Variants in ASIC2 observed in about 807,000 individuals in gnomAD.
ASIC2 encodes acid sensing ion channel subunit 2, also known as acid-sensing ion channel 2.
ASIC2 carries 25 observed loss-of-function variants against 57.3 expected under a neutral mutation model. That is an observed-to-expected ratio of 0.44 (90% CI 0.32 to 0.61). ASIC2 has a LOEUF of 0.61. ASIC2 is among the 20% of genes least tolerant of loss of function. The probability of loss-of-function intolerance (pLI) is 0.06; values close to 1 mark genes in which losing one functional copy is unlikely to be tolerated. For synonymous variants in ASIC2, 319 were observed against 307.5 expected (o/e 1.04, Z -0.39); for missense variants, 641 against 738.1 (o/e 0.87, Z 1.52).
intron 1 of ASIC2, among the ~76,000 whole-genome samples, chr17:33,127,266 C>A (rs932076951): frequency 1.3e-5 from 2 of 152,152 alleles, no homozygotes; most frequent in African/African-American, 2.4e-5. Flanking sequence ...CAGGGGCAGA[C>A]GTGGGATCTC....
At chr17:33,172,604 A>AG (rs1166514158) in intron 1 of ASIC2, among the ~76,000 whole-genome samples, 8 of 152,190 alleles carry the variant, frequency 5.3e-5, no homozygotes, top group Non-Finnish European at 1.2e-4. Flanking sequence ...ACCCATCAAG[A>AG]GGGAAGTCTG....
chr17:33,951,584 CTTTTTTTCTTTTT>C (rs1260697088), intron 1 of ASIC2, among the ~76,000 whole-genome samples: 1 of 151,086 alleles, frequency 6.6e-6, no homozygotes, highest in Non-Finnish European at 1.5e-5. Flanking sequence ...TTTTTCTTTT[CTTTTTTTCTTTTT>C]TTTTCGATGG....
At chr17:33,431,971 A>G (rs1911436454) in intron 1 of ASIC2, among the ~76,000 whole-genome samples, 1 of 152,260 alleles carries the variant, frequency 6.6e-6, no homozygotes, top group African/African-American at 2.4e-5. Context: ...AATGTAAAAA[A>G]TACTCAAAGA....
rs530181555 is a variant in ASIC2 at position 33,813,007 on chromosome 17, A to C, written c.555+342971T>G. On this transcript the variant is annotated intron_variant, in intron 1 of 9. Transcript: ENST00000359872. Reference sequence around the variant, plus strand: ...TTTTGGCTCAGGGTGAGCTGCTGATATCCTCATCTGGTGCCAGGGCCAGTT... The same window carrying C: ...TTTTGGCTCAGGGTGAGCTGCTGATCTCCTCATCTGGTGCCAGGGCCAGTT... Among the ~76,000 whole-genome samples, 785 of 152,264 alleles carry C rather than the reference A, an allele frequency of 5.2e-3. 1 individual carries two copies. Among genetic ancestry groups the C allele is most frequent in the Non-Finnish European group, 7.9e-3 (537 of 68,016 alleles).
At chr17:33,797,553 T>C (rs564592528) in intron 1 of ASIC2, among the ~76,000 whole-genome samples, 1 of 152,336 alleles carries the variant, frequency 6.6e-6, no homozygotes, top group African/African-American at 2.4e-5. Flanking sequence ...CCATGATTGA[T>C]CATTAGTAAA....
intron 1 of ASIC2, among the ~76,000 whole-genome samples, chr17:33,851,338 C>T (rs1239417259): frequency 6.6e-6 from 1 of 151,962 alleles, no homozygotes; most frequent in Non-Finnish European, 1.5e-5. Context: ...GTATTAAAGA[C>T]CATGAGGCTG....
chr17:34,095,101 C>T (rs540348171), intron 1 of ASIC2, among the ~76,000 whole-genome samples: 2 of 152,338 alleles, frequency 1.3e-5, no homozygotes, highest in Non-Finnish European at 1.5e-5. Flanking sequence ...AAACATTAAA[C>T]AGGATGATCT....
chr17:33,884,928 G>A (rs535497613), intron 1 of ASIC2, among the ~76,000 whole-genome samples: 1 of 152,340 alleles, frequency 6.6e-6, no homozygotes, highest in African/African-American at 2.4e-5. Context: ...TTCCGACAAA[G>A]TGTAAAGCAC....
intron 1 of ASIC2, among the ~76,000 whole-genome samples, chr17:33,933,808 G>T (rs1397219854): frequency 6.6e-6 from 1 of 152,200 alleles, no homozygotes. Context: ...GGCACGTGGG[G>T]CCAACCTAGA....
chr17:33,237,821 A>C (rs1347244800), intron 1 of ASIC2, among the ~76,000 whole-genome samples: 1 of 152,206 alleles, frequency 6.6e-6, no homozygotes, highest in African/African-American at 2.4e-5. Context: ...ATGCTAACTG[A>C]CATGGCTGGG....
chr17:33,642,742 G>A (rs983994286), intron 1 of ASIC2, among the ~76,000 whole-genome samples: 2 of 152,046 alleles, frequency 1.3e-5, no homozygotes, highest in African/African-American at 4.8e-5. Context: ...TTAATTATAT[G>A]GTGCTATCTG....
chr17:33,262,087 G>T (rs2142145925), intron 1 of ASIC2, among the ~76,000 whole-genome samples: 1 of 152,340 alleles, frequency 6.6e-6, no homozygotes, highest in South Asian at 2.1e-4. Flanking sequence ...CCTTTGAACA[G>T]TCTGTGCTCG....
intron 3 of ASIC2, among the ~76,000 whole-genome samples, chr17:33,055,533 C>G (rs531800022): frequency 6.6e-6 from 1 of 152,250 alleles, no homozygotes; most frequent in East Asian, 1.9e-4. Flanking sequence ...CTCGTCCTTC[C>G]GCTTGTCCTG....
At chr17:34,134,112 C>T (rs1186407805) in intron 1 of ASIC2, among the ~76,000 whole-genome samples, 1 of 152,186 alleles carries the variant, frequency 6.6e-6, no homozygotes, top group Non-Finnish European at 1.5e-5. Flanking sequence ...GCCAGCATCC[C>T]TTCTTTATAT....
At chr17:34,127,163 G>C (rs1911810296) in intron 1 of ASIC2, among the ~76,000 whole-genome samples, 1 of 152,178 alleles carries the variant, frequency 6.6e-6, no homozygotes. Context: ...TTTTCGTTAT[G>C]AGTAAGTTTT....
chr17:33,304,068 A>T (rs1334341750), intron 1 of ASIC2, among the ~76,000 whole-genome samples: 2 of 152,368 alleles, frequency 1.3e-5, no homozygotes, highest in South Asian at 4.1e-4. Context: ...TAACAAATTG[A>T]AAACAAAACA....
At chr17:33,494,223 G>C (rs1439440490) in intron 1 of ASIC2, among the ~76,000 whole-genome samples, 2 of 152,210 alleles carry the variant, frequency 1.3e-5, no homozygotes, top group Non-Finnish European at 2.9e-5. Flanking sequence ...CGTGCCTGTT[G>C]TTTGGGGATC....
At chr17:33,348,498 G>T (rs1908038334) in intron 1 of ASIC2, among the ~76,000 whole-genome samples, 1 of 152,206 alleles carries the variant, frequency 6.6e-6, no homozygotes, top group Non-Finnish European at 1.5e-5. Context: ...CTTAGGACAA[G>T]AACCTGAAAG....
intron 1 of ASIC2, among the ~76,000 whole-genome samples, chr17:34,108,214 G>A (rs115030813): frequency 0.014 from 2,110 of 152,172 alleles, 46 homozygotes; most frequent in East Asian, 0.059. Context: ...AAACTGCTCT[G>A]CTGAAACTTT....
Sources: allele counts gnomAD v4.1 joint callset (sites outside exome capture counted in the v4.1 genomes callset), GRCh38; gene constraint gnomAD v4.1.1; transcripts MANE v1.5; gene names NCBI Gene and HGNC (gene_info 2026-07-23, HGNC 2026-07-21).